The following MVB12B variants were observed in gnomAD, a reference collection of about 807,000 sequenced individuals.
The protein encoded by MVB12B is multivesicular body subunit 12B.
Under a neutral mutation model 41.6 loss-of-function variants are expected in MVB12B, and 16 were observed. The observed-to-expected ratio is 0.38, with a 90% CI of 0.26 to 0.58. MVB12B has a LOEUF of 0.58. MVB12B is among the 20% of genes least tolerant of loss of function. MVB12B has a pLI of 0.62. For synonymous variants in MVB12B, 133 were observed against 139.7 expected (o/e 0.95, Z 0.34); for missense variants, 274 against 380.2 (o/e 0.72, Z 2.32).
chr9:126,383,591 C>T (rs1830691741), intron 3 of MVB12B, among the ~76,000 whole-genome samples: 1 of 152,068 alleles, frequency 6.6e-6, no homozygotes, highest in African/African-American at 2.4e-5. Flanking sequence ...AATATAAATA[C>T]CCTGAGTCAG....
At chr9:126,501,101 C>G (rs536792634) in intron 9 of MVB12B, among the ~76,000 whole-genome samples, 1 of 152,246 alleles carries the variant, frequency 6.6e-6, no homozygotes, top group Non-Finnish European at 1.5e-5. Context: ...GCAGCTCCCC[C>G]TCCTCAGCCT....
intron 7 of MVB12B, among the ~76,000 whole-genome samples, chr9:126,457,570 G>A (rs578017300): frequency 1.4e-4 from 21 of 152,170 alleles, no homozygotes; most frequent in Non-Finnish European, 2.6e-4. Flanking sequence ...GTTGTGTACG[G>A]GTAGAGATTG....
Position 126,395,899 on chromosome 9 carries a change from CTATT to C in MVB12B, c.662+204_662+207del. 1 of 1,390,138 alleles carries C rather than the reference CTATT, an allele frequency of 7.2e-7. No individual in the cohort carries two copies. The highest frequency in any genetic ancestry group is 1.7e-5 in the South Asian group (1 of 60,010). The allele number at this position is 1,390,138 out of a possible 1,614,324, so 86.1% of individuals were successfully genotyped here. A position where few individuals can be genotyped will look rare whatever the true frequency, so the allele number is the denominator to read the frequency against. ...ATGAATGCAAAGGCCATTCTATAGTCTATTTTGTGCGTGTTCTGCAGGCTTCTAA... is the reference window on the plus strand; with the variant it reads ...ATGAATGCAAAGGCCATTCTATAGTCTTGTGCGTGTTCTGCAGGCTTCTAA... On this transcript the variant is annotated intron_variant, in intron 6 of 9. Transcript: ENST00000361171. The surrounding 1 kb of genome is among the most constrained non-coding windows in gnomAD (Gnocchi z 4.9).
chr9:126,415,623 CT>C (rs2119071781), intron 6 of MVB12B, among the ~76,000 whole-genome samples: 1 of 152,282 alleles, frequency 6.6e-6, no homozygotes, highest in African/African-American at 2.4e-5. Flanking sequence ...ACAAGGCTTC[CT>C]GGAAGTTTCC....
At chr9:126,330,454 A>G (rs767421050) in intron 1 of MVB12B, among the ~76,000 whole-genome samples, 2 of 152,222 alleles carry the variant, frequency 1.3e-5, no homozygotes, top group Non-Finnish European at 2.9e-5. Context: ...GGTGTTGATG[A>G]AAATGCAGAT....
At chr9:126,363,136 G>T (rs374922242) in intron 2 of MVB12B, among the ~76,000 whole-genome samples, 1 of 151,630 alleles carries the variant, frequency 6.6e-6, no homozygotes, top group Non-Finnish European at 1.5e-5. Flanking sequence ...GCAGTGAGCC[G>T]AGATTACACC....
chr9:126,394,937 G>A (rs559532990), intron 5 of MVB12B, among the ~76,000 whole-genome samples: 10 of 152,306 alleles, frequency 6.6e-5, no homozygotes, highest in South Asian at 2.1e-4. Flanking sequence ...ACTCACGAGT[G>A]TGTGGTGTAG....
intron 7 of MVB12B, among the ~76,000 whole-genome samples, chr9:126,443,891 C>T (rs1240426890): frequency 2.6e-5 from 4 of 152,270 alleles, no homozygotes; most frequent in Non-Finnish European, 4.4e-5. Flanking sequence ...TCCCCATCGC[C>T]AGTCCCTGGC....
chr9:126,488,275 G>T (rs13302387), intron 9 of MVB12B, among the ~76,000 whole-genome samples: 31,023 of 131,664 alleles, frequency 0.24, 3,767 homozygotes, highest in South Asian at 0.33. Context: ...GAGGGGCTTG[G>T]GGGTGGAGAA....
intron 9 of MVB12B, among the ~76,000 whole-genome samples, chr9:126,495,868 C>T (rs1833817762): frequency 6.6e-6 from 1 of 152,214 alleles, no homozygotes; most frequent in South Asian, 2.1e-4. Context: ...AGCTTGTACA[C>T]TGTCTGCATA....
At chr9:126,414,304 C>G (rs1041118458) in intron 6 of MVB12B, among the ~76,000 whole-genome samples, 1 of 152,170 alleles carries the variant, frequency 6.6e-6, no homozygotes, top group Non-Finnish European at 1.5e-5. Flanking sequence ...GCTGGCAGTG[C>G]GTGCTTGCTG....
Position 126,459,493 on chromosome 9 carries a change from G to T in MVB12B, c.758-21876G>T, listed in dbSNP as rs983006659. ...AGAAAGGCTTCACAGAACTGTGCCT[G>T]TGAGACCACGAGACCCTCACCCCAG... is the stretch of plus-strand genomic sequence containing the variant. On this transcript the variant is annotated intron_variant, in intron 7 of 9. Coordinates refer to ENST00000361171, the MANE Select transcript of MVB12B (RefSeq NM_033446.3). The surrounding 1 kb of genome is among the most constrained non-coding windows in gnomAD (Gnocchi z 4.3). Among the ~76,000 whole-genome samples, 3 of 152,210 alleles carry T rather than the reference G, an allele frequency of 2.0e-5. No homozygotes were observed. Among genetic ancestry groups the T allele is most frequent in the African/African-American group, 7.2e-5 (3 of 41,440 alleles).
At chr9:126,496,473 A>C in intron 9 of MVB12B, among the ~76,000 whole-genome samples, 1 of 100,418 alleles carries the variant, frequency 1.0e-5, no homozygotes, top group Non-Finnish European at 1.8e-5. Flanking sequence ...CCCACTGTTC[A>C]CTCATTCCTG....
At chr9:126,363,782 G>A (rs1168385685) in intron 2 of MVB12B, among the ~76,000 whole-genome samples, 1 of 152,132 alleles carries the variant, frequency 6.6e-6, no homozygotes, top group Non-Finnish European at 1.5e-5. Context: ...CAGTTCCTCA[G>A]AGGTGCTGTG....
intron 8 of MVB12B, among the ~76,000 whole-genome samples, chr9:126,482,903 C>T (rs1363195769): frequency 1.3e-5 from 2 of 152,238 alleles, no homozygotes; most frequent in Non-Finnish European, 2.9e-5. Context: ...ACTACGGGGG[C>T]CGCCGCTTTT....
chr9:126,403,774 T>G lies in MVB12B; in HGVS notation c.662+8077T>G, dbSNP rs114730607. Reference sequence around the variant, plus strand: ...CTGAATTCCAGGTGGCTGACATGTGTTAGGCACCCAGAAAGTATTTATTGG... The same window carrying G: ...CTGAATTCCAGGTGGCTGACATGTGGTAGGCACCCAGAAAGTATTTATTGG... On this transcript the variant is annotated intron_variant, in intron 6 of 9. Coordinates refer to ENST00000361171, the MANE Select transcript of MVB12B (RefSeq NM_033446.3). Among the ~76,000 whole-genome samples the G allele has an allele frequency of 3.4e-3, 521 of 152,294 alleles. 4 individuals are homozygous for G. The highest frequency in any genetic ancestry group is 0.012 in the African/African-American group (486 of 41,562).
At chr9:126,385,438 G>A (rs901545854) in intron 3 of MVB12B, among the ~76,000 whole-genome samples, 1 of 152,174 alleles carries the variant, frequency 6.6e-6, no homozygotes, top group Non-Finnish European at 1.5e-5. Flanking sequence ...CACAGTGCAG[G>A]TGGAGGTGGG....
intron 1 of MVB12B, among the ~76,000 whole-genome samples, chr9:126,328,264 C>A (rs1385608928): frequency 6.6e-6 from 1 of 152,070 alleles, no homozygotes; most frequent in Non-Finnish European, 1.5e-5. Flanking sequence ...GCTTGGGACC[C>A]GGGCTCCAAG....
chr9:126,349,894 A>G (rs1829700803), intron 2 of MVB12B, among the ~76,000 whole-genome samples: 1 of 152,206 alleles, frequency 6.6e-6, no homozygotes, highest in Non-Finnish European at 1.5e-5. Context: ...GCTGGGTCAC[A>G]TGGTAGTTGC....
Sources: gnomAD v4.1 joint callset for allele counts (sites outside exome capture counted in the v4.1 genomes callset) on GRCh38, gnomAD v4.1.1 for gene constraint, Gnocchi (gnomAD v3.1) non-coding constraint, MANE v1.5 for transcripts, NCBI Gene and HGNC (gene_info 2026-07-23, HGNC 2026-07-21) for gene names.